The following KCNH7 variants were observed in gnomAD, a reference collection of about 807,000 sequenced individuals.
The protein encoded by KCNH7 is potassium voltage-gated channel subfamily H member 7, also known as voltage-gated inwardly rectifying potassium channel KCNH7.
Under a neutral mutation model 120.8 loss-of-function variants are expected in KCNH7, and 49 were observed. That is an observed-to-expected ratio of 0.41 (90% CI 0.32 to 0.51). The LOEUF is 0.51. KCNH7 is among the 20% of genes least tolerant of loss of function. KCNH7 has a pLI of 0.38. For synonymous variants in KCNH7, 547 were observed against 516.1 expected (o/e 1.06, Z -0.81); for missense variants, 1,097 against 1,446.6 (o/e 0.76, Z 3.92).
intron 3 of KCNH7, among the ~76,000 whole-genome samples, chr2:162,528,567 TA>T (rs1691796471): frequency 6.6e-6 from 1 of 151,932 alleles, no homozygotes; most frequent in Admixed American, 6.6e-5. Context: ...GAACCCGCAC[TA>T]AAATATGGGA....
chr2:162,456,857 TA>T (rs1688980018), intron 6 of KCNH7, among the ~76,000 whole-genome samples: 1 of 152,106 alleles, frequency 6.6e-6, no homozygotes, highest in Non-Finnish European at 1.5e-5. Context: ...ATTTGCTTGT[TA>T]AATATTCCTC....
chr2:162,449,899 A>G (rs1223898996), intron 6 of KCNH7, among the ~76,000 whole-genome samples: 1 of 152,138 alleles, frequency 6.6e-6, no homozygotes, highest in Non-Finnish European at 1.5e-5. Context: ...TAAAATATTT[A>G]TAAAACAGTG....
intron 2 of KCNH7, among the ~76,000 whole-genome samples, chr2:162,570,346 T>C (rs968425399): frequency 1.3e-5 from 2 of 151,946 alleles, no homozygotes; most frequent in African/African-American, 4.8e-5. Flanking sequence ...GAGACTAGGA[T>C]TGCAACCCTT....
At chr2:162,651,441 A>T (rs192438960) in intron 2 of KCNH7, among the ~76,000 whole-genome samples, 2 of 151,488 alleles carry the variant, frequency 1.3e-5, no homozygotes, top group Admixed American at 1.3e-4. Flanking sequence ...TTTAGCTCCC[A>T]CTTATAAGTG....
At chr2:162,427,075 A>G (rs1161822804) in intron 8 of KCNH7, among the ~76,000 whole-genome samples, 1 of 151,978 alleles carries the variant, frequency 6.6e-6, no homozygotes, top group African/African-American at 2.4e-5. Context: ...TAACTGCTGA[A>G]TTGATGTGCA....
chr2:162,706,542 A>T (rs1221306788), intron 2 of KCNH7, among the ~76,000 whole-genome samples: 1 of 152,110 alleles, frequency 6.6e-6, no homozygotes, highest in African/African-American at 2.4e-5. Context: ...CCCAGTCAGG[A>T]GCTCAGATAA....
intron 2 of KCNH7, among the ~76,000 whole-genome samples, chr2:162,694,993 G>A (rs1686240683): frequency 6.6e-6 from 1 of 151,966 alleles, no homozygotes; most frequent in Non-Finnish European, 1.5e-5. Flanking sequence ...CACCCGCCTC[G>A]GCCTCCCAAC....
intron 2 of KCNH7, among the ~76,000 whole-genome samples, chr2:162,829,540 G>C (rs1362136346): frequency 1.3e-5 from 2 of 152,138 alleles, no homozygotes; most frequent in Non-Finnish European, 2.9e-5. Context: ...ATTAGAGATT[G>C]TTGGAGACAC....
At chr2:162,708,726 T>C (rs1274943546) in intron 2 of KCNH7, among the ~76,000 whole-genome samples, 1 of 152,020 alleles carries the variant, frequency 6.6e-6, no homozygotes. Context: ...TGATGACAAA[T>C]ATATAATGTG....
chr2:162,416,641 C>T (rs764150119), intron 9 of KCNH7, among the ~76,000 whole-genome samples: 1 of 152,054 alleles, frequency 6.6e-6, no homozygotes, highest in Non-Finnish European at 1.5e-5. Context: ...GTGGGTTGCA[C>T]AGCATACTGA....
chr2:162,419,715 T>A (rs558032583), intron 9 of KCNH7, among the ~76,000 whole-genome samples: 1 of 152,284 alleles, frequency 6.6e-6, no homozygotes, highest in South Asian at 2.1e-4. Flanking sequence ...CCCTAAATAG[T>A]TTATTTCTCT....
chr2:162,831,970 G>A (rs1432941669), intron 2 of KCNH7, among the ~76,000 whole-genome samples: 1 of 152,058 alleles, frequency 6.6e-6, no homozygotes, highest in Admixed American at 6.6e-5. Flanking sequence ...TTCAAATTGT[G>A]GGGAAGAGCA....
chr2:162,461,920 A>G (rs1689159718), intron 6 of KCNH7, among the ~76,000 whole-genome samples: 1 of 152,094 alleles, frequency 6.6e-6, no homozygotes, highest in Non-Finnish European at 1.5e-5. Context: ...GACTTTCTCT[A>G]TTTCCCTGCA....
At chr2:162,635,359 T>C (rs907508726) in intron 2 of KCNH7, among the ~76,000 whole-genome samples, 14 of 152,022 alleles carry the variant, frequency 9.2e-5, no homozygotes, top group South Asian at 2.1e-4. Flanking sequence ...ATAATAATAA[T>C]AGGTCCCCAA....
intron 6 of KCNH7, among the ~76,000 whole-genome samples, chr2:162,458,179 A>T (rs1689035320): frequency 6.6e-6 from 1 of 151,678 alleles, no homozygotes; most frequent in South Asian, 2.1e-4. Context: ...ATTTAGATTC[A>T]GGTTCAGCTA....
At chr2:162,668,098 C>A (rs886074847) in intron 2 of KCNH7, among the ~76,000 whole-genome samples, 2 of 152,088 alleles carry the variant, frequency 1.3e-5, no homozygotes, top group Non-Finnish European at 1.5e-5. Context: ...TTATTGAATT[C>A]TTTTATGATA....
chr2:162,544,854 C>T (rs971144886), intron 2 of KCNH7, among the ~76,000 whole-genome samples: 1 of 152,080 alleles, frequency 6.6e-6, no homozygotes, highest in African/African-American at 2.4e-5. Flanking sequence ...GACCGTTTTC[C>T]TTCTACCCTC....
At chr2:162,423,637 G>T (rs888047876) in intron 8 of KCNH7, 102 bp from the exon 9 acceptor site, 3 of 1,037,100 alleles carry the variant, frequency 2.9e-6, no homozygotes, top group Non-Finnish European at 2.8e-6. Flanking sequence ...TCAATCTAGT[G>T]GGGATTTACC....
intron 2 of KCNH7, among the ~76,000 whole-genome samples, chr2:162,688,164 G>A (rs183294129): frequency 1.1e-4 from 17 of 152,258 alleles, no homozygotes; most frequent in Admixed American, 9.8e-4. Context: ...ATGGAGTTAT[G>A]ATTTATTAAA....
Sources: allele counts gnomAD v4.1 joint callset (sites outside exome capture counted in the v4.1 genomes callset), GRCh38; gene constraint gnomAD v4.1.1; transcripts MANE v1.5; gene names NCBI Gene and HGNC (gene_info 2026-07-23, HGNC 2026-07-21).